The following QKI variants were observed in gnomAD, a reference collection of about 807,000 sequenced individuals.
QKI encodes QKI, KH domain containing RNA binding.
A neutral mutation model predicts 39.0 loss-of-function variants in QKI; 10 were observed. The observed-to-expected ratio is 0.26, with a 90% CI of 0.16 to 0.43. The LOEUF is 0.43. Among genes scored for constraint, QKI ranks in the 20% least tolerant of loss-of-function variants. QKI has a pLI of 1.00. For missense variants in QKI, 218 were observed against 428.0 expected (o/e 0.51, Z 4.33); for synonymous variants, 204 against 155.4 (o/e 1.31, Z -2.33).
chr6:163,488,065 G>A (rs1426686531), intron 3 of QKI, among the ~76,000 whole-genome samples: 1 of 152,082 alleles, frequency 6.6e-6, no homozygotes, highest in Non-Finnish European at 1.5e-5. Context: ...CCCCGCCTTT[G>A]GGTATCACTA....
intron 3 of QKI, among the ~76,000 whole-genome samples, chr6:163,505,327 A>G (rs1224731649): frequency 6.6e-6 from 1 of 152,192 alleles, no homozygotes; most frequent in Non-Finnish European, 1.5e-5. Flanking sequence ...TAATGGAGCT[A>G]TGAGAAGAGG....
rs60899517 is a variant in QKI, at chr6:163,436,789, C to CAAAA, written c.143-18469_143-18466dup. On this transcript the variant is annotated intron_variant, in intron 1 of 7. Transcript: ENST00000361752. ...TGGGCGACAGAGCGAGACTCCGTCT[C>CAAAA]AAAAAAAAAAAAAAAAAAAAAAAAG... Among the ~76,000 whole-genome samples, 40 of 89,412 alleles carry CAAAA rather than the reference C, an allele frequency of 4.5e-4. 1 individual carries two copies. The highest frequency in any genetic ancestry group is 1.3e-3 in the African/African-American group (30 of 22,578). The allele number at this position is 89,412 out of a possible 152,430, so 58.7% of individuals were successfully genotyped here.
intron 4 of QKI, among the ~76,000 whole-genome samples, chr6:163,542,955 A>G (rs1781634069): frequency 1.1e-5 from 1 of 93,974 alleles, no homozygotes; most frequent in Non-Finnish European, 2.2e-5. Flanking sequence ...TACATGTTAT[A>G]GAAATTTAGG....
intron 2 of QKI, among the ~76,000 whole-genome samples, chr6:163,461,636 A>C (rs535866665): frequency 9.1e-4 from 139 of 152,322 alleles, no homozygotes; most frequent in Non-Finnish European, 1.7e-3. Flanking sequence ...TTCTTGCTGA[A>C]ATAGCCAAAG....
chr6:163,578,359 T>C lies in QKI; in HGVS notation c.*7649T>C, dbSNP rs1777701068. 1 of 152,216 alleles carries C rather than the reference T, an allele frequency of 6.6e-6. No individual in the cohort carries two copies. The allele number at this position is 152,216 out of a possible 1,614,324, so 9.4% of individuals were successfully genotyped here. On this transcript the variant is annotated 3_prime_UTR_variant, in exon 8 of 8. Coordinates refer to ENST00000361752, the MANE Select transcript of QKI (RefSeq NM_006775.3). ...TGTTCACTCCTTTACCTTAGAACTG[T>C]CAAGCTTGGGAATGAGGAAAGTGCC...
intron 3 of QKI, among the ~76,000 whole-genome samples, chr6:163,485,788 ATTC>A (rs998110644): frequency 3.3e-5 from 5 of 152,342 alleles, no homozygotes; most frequent in East Asian, 1.9e-4. Flanking sequence ...AGGGATGTGC[ATTC>A]TTCTTCTAGC....
intron 4 of QKI, among the ~76,000 whole-genome samples, chr6:163,542,119 A>G (rs1483755060): frequency 6.6e-6 from 1 of 151,942 alleles, no homozygotes; most frequent in African/African-American, 2.4e-5. Context: ...TTTATTTACA[A>G]GGAATAGTAG....
At chr6:163,500,281 G>A (rs1778678758) in intron 3 of QKI, among the ~76,000 whole-genome samples, 1 of 152,198 alleles carries the variant, frequency 6.6e-6, no homozygotes, top group Non-Finnish European at 1.5e-5. Context: ...AGCAATTAGA[G>A]ACATGTATGT....
intron 6 of QKI, chr6:163,565,241 C>T (rs1391863722): frequency 2.0e-6 from 2 of 988,136 alleles, no homozygotes; most frequent in African/African-American, 3.5e-5. Flanking sequence ...TCTATTAATA[C>T]TCTGTCCTGT....
chr6:163,519,329 T>C (rs1780012175), intron 3 of QKI, among the ~76,000 whole-genome samples: 1 of 152,062 alleles, frequency 6.6e-6, no homozygotes, highest in African/African-American at 2.4e-5. Context: ...AGTAGGACTG[T>C]TGGAGAAATT....
chr6:163,565,653 T>C (rs776488737), intron 6 of QKI: 6 of 1,065,270 alleles, frequency 5.6e-6, no homozygotes, highest in Non-Finnish European at 6.8e-6. Context: ...AAGTGCCCAA[T>C]GAAAAAATCT....
intron 3 of QKI, among the ~76,000 whole-genome samples, chr6:163,502,087 T>G (rs1583110051): frequency 6.6e-6 from 1 of 151,700 alleles, no homozygotes; most frequent in Non-Finnish European, 1.5e-5. Context: ...CTTTGGGAGG[T>G]TGAGGTGGGT....
chr6:163,446,678 A>C (rs73787648), intron 1 of QKI, among the ~76,000 whole-genome samples: 4,763 of 152,308 alleles, frequency 0.031, 242 homozygotes, highest in African/African-American at 0.11. Flanking sequence ...GTGTAAAAGT[A>C]AACAGGTTTA....
rs901369979 is a variant in QKI, at chr6:163,578,075, G to A, written c.*7365G>A. On this transcript the variant is annotated 3_prime_UTR_variant, in exon 8 of 8. Transcript: ENST00000361752. ...TTATTCCAGTTTAATGCTATTTTGT[G>A]AACTGTATACCCTCTGAAAGCGCTT... 6.6e-6 allele frequency: 1 copy of A among 152,100 alleles called. No individual in the cohort carries two copies. The highest frequency in any genetic ancestry group is 2.4e-5 in the African/African-American group (1 of 41,414). The allele number at this position is 152,100 out of a possible 1,614,324, so 9.4% of individuals were successfully genotyped here.
intron 3 of QKI, among the ~76,000 whole-genome samples, chr6:163,507,052 A>T (rs1046289238): frequency 6.6e-6 from 1 of 152,178 alleles, no homozygotes; most frequent in East Asian, 1.9e-4. Flanking sequence ...GACTTTGAAC[A>T]TGAGTAATGG....
rs186769301 is a variant in QKI, at chr6:163,469,222, A to T, written c.286-9558A>T. On this transcript the variant is annotated intron_variant, in intron 2 of 7. Coordinates refer to ENST00000361752, the MANE Select transcript of QKI (RefSeq NM_006775.3). The stretch of plus-strand genomic sequence containing the variant: ...ATGTAATCTTGATGTGGTTCCAGCC[A>T]AGGAGGGTTAATACTTGAAAAGCAT... Among the ~76,000 whole-genome samples the T allele has an allele frequency of 1.4e-4, 22 of 152,278 alleles. 2 individuals carry two copies. The East Asian group carries it at 4.2e-3, about 29-fold the overall frequency.
rs1434423124 is a variant in QKI at position 163,575,306 on chromosome 6, CT to C, written c.*4599del. The C allele has an allele frequency of 6.6e-6, 1 of 152,086 alleles. No homozygotes were observed. The highest frequency in any genetic ancestry group is 1.5e-5 in the Non-Finnish European group (1 of 68,016). The allele number at this position is 152,086 out of a possible 1,614,324, so 9.4% of individuals were successfully genotyped here. On this transcript the variant is annotated 3_prime_UTR_variant, in exon 8 of 8. Transcript: ENST00000361752. Reference sequence around the variant, plus strand: ...CTCATCTCATTTTCAGTTAAGGGTACTTTATGTATAATTATGTCATTGCTGC... The same window carrying C: ...CTCATCTCATTTTCAGTTAAGGGTACTTATGTATAATTATGTCATTGCTGC...
chr6:163,515,141 TTTACCTTA>T (rs1211289483), intron 3 of QKI, among the ~76,000 whole-genome samples: 2 of 152,154 alleles, frequency 1.3e-5, no homozygotes, highest in African/African-American at 4.8e-5. Context: ...GAAAAGATGC[TTTACCTTA>T]TTAATACTCA....
In QKI at chr6:163,493,077, TG is replaced by T. The variant is rs1323491250; in HGVS notation, c.402+14182del. 2.0e-5 allele frequency among the ~76,000 whole-genome samples: 3 copies of T among 152,120 alleles called. No individual in the cohort carries two copies. In the East Asian group the frequency reaches 5.8e-4, roughly 29 times the overall value. ...ATACATATTTTGAGATCTATGTATT[TG>T]TGACCTGATATATTTTGTTTAAGTA... is the stretch of plus-strand genomic sequence containing the variant. On this transcript the variant is annotated intron_variant, in intron 3 of 7. Coordinates refer to ENST00000361752, the MANE Select transcript of QKI (RefSeq NM_006775.3).
Sources: gnomAD v4.1 joint callset for allele counts (sites outside exome capture counted in the v4.1 genomes callset) on GRCh38, gnomAD v4.1.1 for gene constraint, MANE v1.5 for transcripts, NCBI Gene and HGNC (gene_info 2026-07-23, HGNC 2026-07-21) for gene names.